The following ZNF382 variants were observed in gnomAD, a reference collection of about 807,000 sequenced individuals.
The protein encoded by ZNF382 is zinc finger protein 382, also known as KRAB/zinc finger suppressor protein 1.
Under a neutral mutation model 38.8 loss-of-function variants are expected in ZNF382, and 20 were observed. That is an observed-to-expected ratio of 0.51 (90% CI 0.36 to 0.75). The LOEUF (loss-of-function observed/expected upper bound fraction) is 0.75. ZNF382 is among the 30% of genes least tolerant of loss of function. The pLI, the probability that ZNF382 is intolerant of heterozygous loss-of-function variation, is 0.00. For missense variants in ZNF382, 546 were observed against 654.1 expected, an observed-to-expected ratio of 0.83 and a Z score of 1.80; for synonymous variants, 202 against 223.1, an observed-to-expected ratio of 0.91 and a Z score of 0.84.
chr19:36,610,954 T>A (rs2037072599), intron 4 of ZNF382, among the ~76,000 whole-genome samples: 1 of 152,176 alleles, frequency 6.6e-6, no homozygotes, highest in Admixed American at 6.5e-5. Context: ...CTATTCATCT[T>A]GCAAAACTGA....
chr19:36,625,358 GA>G (rs1210853504), intron 4 of ZNF382, among the ~76,000 whole-genome samples: 2 of 151,562 alleles, frequency 1.3e-5, no homozygotes, highest in Non-Finnish European at 1.5e-5. Flanking sequence ...AAGTGAAGAA[GA>G]AAGAATTGGA....
chr19:36,614,147 C>G (rs2037102025), intron 4 of ZNF382, among the ~76,000 whole-genome samples: 1 of 152,044 alleles, frequency 6.6e-6, no homozygotes, highest in Non-Finnish European at 1.5e-5. Flanking sequence ...CAAGACCAGC[C>G]TGGCCAACAT....
chr19:36,620,795 A>T (rs900035141), intron 4 of ZNF382, among the ~76,000 whole-genome samples: 1 of 150,310 alleles, frequency 6.7e-6, no homozygotes, highest in Non-Finnish European at 1.5e-5. Context: ...GTCTCACTCT[A>T]TTGCTCAGGC....
rs2037205473 is a variant in ZNF382 at position 36,625,551 on chromosome 19, T to TA, written c.233-579_233-578insA. Among the ~76,000 whole-genome samples the TA allele has an allele frequency of 6.8e-5, 4 of 59,048 alleles. No homozygotes were observed. The South Asian group carries it at 2.3e-3, about 35-fold the overall frequency. The allele number at this position is 59,048 out of a possible 152,430, so 38.7% of individuals were successfully genotyped here. ...ATTCTTTCTCTTCTGCTCACTTATC[T>TA]TTTTTTTTTTTTTGGGTGGGGCGGG... On this transcript the variant is annotated intron_variant, in intron 4 of 4. Transcript: ENST00000292928.
intron 4 of ZNF382, among the ~76,000 whole-genome samples, chr19:36,610,957 A>G (rs2037072681): frequency 6.6e-6 from 1 of 152,178 alleles, no homozygotes; most frequent in South Asian, 2.1e-4. Flanking sequence ...TTCATCTTGC[A>G]AAACTGAAGC....
chr19:36,607,743 C>A, intron 2 of ZNF382, 121 bp downstream of exon 2: 2 of 1,095,440 alleles, frequency 1.8e-6, no homozygotes, highest in Non-Finnish European at 2.5e-6. Context: ...AGTCTTCAGT[C>A]AGGGCCAGAT....
chr19:36,631,024 A>C lies in ZNF382; in HGVS notation c.*3474A>C, dbSNP rs1040659945. 6.6e-6 allele frequency: 1 copy of C among 151,802 alleles called. No individual in the cohort carries two copies. The allele number at this position is 151,802 out of a possible 1,614,324, so 9.4% of individuals were successfully genotyped here. On this transcript the variant is annotated 3_prime_UTR_variant, in exon 5 of 5. Transcript: ENST00000292928. The stretch of plus-strand genomic sequence containing the variant: ...GGTATTGAACTCCTGGCCTCAAGCA[A>C]TCTTCCCTCTTCGGCCTCCTAAAAT...
chr19:36,630,160 T>G lies in ZNF382; in HGVS notation c.*2610T>G, dbSNP rs1452338591. The stretch of plus-strand genomic sequence containing the variant: ...CAGTAAATCATATTCATCATATACT[T>G]CCCAATTTTGCACACACAAAAAATG... On this transcript the variant is annotated 3_prime_UTR_variant, in exon 5 of 5. Coordinates refer to ENST00000292928, the MANE Select transcript of ZNF382 (RefSeq NM_032825.5). 5 of 151,948 alleles carry G rather than the reference T, an allele frequency of 3.3e-5. No homozygotes were observed. Among genetic ancestry groups the G allele is most frequent in the African/African-American group, 1.2e-4 (5 of 41,368 alleles). The allele number at this position is 151,948 out of a possible 1,614,324, so 9.4% of individuals were successfully genotyped here.
intron 4 of ZNF382, among the ~76,000 whole-genome samples, chr19:36,621,638 T>C (rs751629845): frequency 1.3e-5 from 2 of 151,692 alleles, no homozygotes; most frequent in Non-Finnish European, 2.9e-5. Flanking sequence ...TAAAAATCAG[T>C]ATAGTATAAC....
chr19:36,611,139 A>T (rs2037074202), intron 4 of ZNF382, among the ~76,000 whole-genome samples: 1 of 152,070 alleles, frequency 6.6e-6, no homozygotes, highest in Non-Finnish European at 1.5e-5. Context: ...AATACAAAAA[A>T]ATTAGCCAGG....
Position 36,626,019 on chromosome 19 carries a change from C to T in ZNF382, c.233-111C>T, listed in dbSNP as rs547653370. On this transcript the variant is annotated intron_variant, in intron 4 of 4. Coordinates refer to ENST00000292928, the MANE Select transcript of ZNF382 (RefSeq NM_032825.5). Reference sequence around the variant, plus strand: ...CCTACCAAGAGGTAATTTATTCTGGCCTTTTTGTAGATCACGGTAGTGAGA... The same window carrying T: ...CCTACCAAGAGGTAATTTATTCTGGTCTTTTTGTAGATCACGGTAGTGAGA... 6.6e-4 allele frequency: 439 copies of T among 661,806 alleles called. 1 individual carries two copies. The African/African-American group carries it at 8.1e-3, about 12-fold the overall frequency. 41.0% of individuals were successfully genotyped at this position (661,806 alleles called of 1,614,324 possible).
At chr19:36,616,440 A>C (rs920782195) in intron 4 of ZNF382, among the ~76,000 whole-genome samples, 1 of 152,232 alleles carries the variant, frequency 6.6e-6, no homozygotes, top group African/African-American at 2.4e-5. Flanking sequence ...CATAACATAC[A>C]TACATAGACA....
At chr19:36,608,408 G>C (rs528926858) in intron 2 of ZNF382, 1 of 151,910 alleles carries the variant, frequency 6.6e-6, no homozygotes, top group African/African-American at 2.4e-5. Flanking sequence ...TTTTATTTGC[G>C]GGTGCAGGAG....
intron 1 of ZNF382, 143 bp from the exon 2 acceptor site, chr19:36,607,409 A>G (rs372637285): frequency 3.1e-5 from 17 of 556,580 alleles, no homozygotes; most frequent in Non-Finnish European, 5.3e-5. Context: ...CCCACTAACT[A>G]CCATCCTGGA....
rs76551470 is a variant in ZNF382 at position 36,616,378 on chromosome 19, A to G, written c.232+5636A>G. 6.8e-3 allele frequency among the ~76,000 whole-genome samples: 1,040 copies of G among 152,320 alleles called. 10 individuals are homozygous for G. Among genetic ancestry groups the G allele is most frequent in the African/African-American group, 0.023 (969 of 41,566 alleles). On this transcript the variant is annotated intron_variant, in intron 4 of 4. Transcript: ENST00000292928. ...GAGACCTCGTCTCTAAATAACTAAA[A>G]TGTTTAAATAATTAATTAATACCAT...
At position 36,613,500 on chromosome 19, in the gene ZNF382, C is replaced by T. The variant is rs191647800; in HGVS notation, c.232+2758C>T. Among the ~76,000 whole-genome samples, 81 of 150,934 alleles carry T rather than the reference C, an allele frequency of 5.4e-4. No homozygotes were observed. In the Middle Eastern group the frequency reaches 0.01, roughly 19 times the overall value. ...GCGCAATGGTGTGATCTCAACTCAC[C>T]GCAACCTCCGCTTCCCTGCAACCTC... is the stretch of plus-strand genomic sequence containing the variant. On this transcript the variant is annotated intron_variant, in intron 4 of 4. Transcript: ENST00000292928.
chr19:36,610,141 A>G (rs189183760), intron 3 of ZNF382, 88 bp downstream of exon 3: 3 of 1,512,598 alleles, frequency 2.0e-6, no homozygotes, highest in East Asian at 2.3e-5. Context: ...CAGGGATTAG[A>G]GGTGATTATT....
chr19:36,607,679 G>A, intron 2 of ZNF382, 57 bp downstream of exon 2: 2 of 1,448,228 alleles, frequency 1.4e-6, no homozygotes, highest in African/African-American at 1.4e-5. Flanking sequence ...GTATGAACAT[G>A]AGCTTCACTG....
chr19:36,612,930 T>A (rs554633066), intron 4 of ZNF382, among the ~76,000 whole-genome samples: 5 of 152,316 alleles, frequency 3.3e-5, no homozygotes, highest in Admixed American at 2.6e-4. Context: ...TAGCTGGGAT[T>A]ACAGGCGTGC....
Sources: gnomAD v4.1 joint callset for allele counts (sites outside exome capture counted in the v4.1 genomes callset) on GRCh38, gnomAD v4.1.1 for gene constraint, MANE v1.5 for transcripts, NCBI Gene and HGNC (gene_info 2026-07-23, HGNC 2026-07-21) for gene names.